The following SLC22A17 variants were observed in gnomAD, a reference collection of about 807,000 sequenced individuals.
SLC22A17 encodes solute carrier family 22 member 17, also known as 24p3 receptor.
A neutral mutation model predicts 53.6 loss-of-function variants in SLC22A17; 38 were observed. That is an observed-to-expected ratio of 0.71 (90% CI 0.55 to 0.93). SLC22A17 has a LOEUF of 0.93. SLC22A17 is among the 40% of genes least tolerant of loss of function. SLC22A17 has a pLI of 0.00. For missense variants in SLC22A17, 704 were observed against 791.0 expected (o/e 0.89, Z 1.32); for synonymous variants, 379 against 353.0 (o/e 1.07, Z -0.82).
At position 23,347,063 on chromosome 14, in the gene SLC22A17, G is replaced by T; in HGVS notation, c.1661+38C>A. On this transcript the variant is annotated intron_variant, in intron 9 of 9. Transcript: ENST00000397267. The surrounding 1 kb of genome is among the most constrained non-coding windows in gnomAD (Gnocchi z 5.1). ...TGGGGTGGGGGAGCGGGAGGCGAGG[G>T]GGCCCGGCTCTGCCCCTGGGGGCAC... The T allele has an allele frequency of 6.3e-7, 1 of 1,576,666 alleles. No individual in the cohort carries two copies.
At chr14:23,346,983 TG>T in intron 9 of SLC22A17, 47 bp from the exon 10 acceptor site, 1 of 1,499,214 alleles carries the variant, frequency 6.7e-7, no homozygotes, top group Non-Finnish European at 8.9e-7. Context: ...GTAGCCTTGC[TG>T]GGCCCTTCTC....
At chr14:23,346,524 G>C in exon 10 of SLC22A17, 1 of 1,255,278 alleles carries the variant, frequency 8.0e-7, no homozygotes, top group Non-Finnish European at 1.1e-6. Flanking sequence ...TGAGCTCTCC[G>C]CGATGGCTGG....
chr14:23,346,702 G>T, exon 10 of SLC22A17: 1 of 1,542,264 alleles, frequency 6.5e-7, no homozygotes, highest in Middle Eastern at 1.9e-4. Flanking sequence ...AGCGGGTAGG[G>T]GGTGGCTGCC....
In SLC22A17 at chr14:23,347,469, G is replaced by T; in HGVS notation, c.1540C>A (p.Pro514Thr). 1 of 1,613,762 alleles carries T rather than the reference G, an allele frequency of 6.2e-7. No homozygotes were observed. The highest frequency in any genetic ancestry group is 8.5e-7 in the Non-Finnish European group (1 of 1,179,854). Residue 514 changes from proline to threonine, a missense_variant, in exon 8 of 10, where the codon CCC becomes ACC. By Grantham distance (38) the Pro-to-Thr change is conservative. Transcript: ENST00000397267. The surrounding 1 kb of genome is among the most constrained non-coding windows in gnomAD (Gnocchi z 5.1). Reference sequence around the variant, plus strand: ...TGCCTGTCTGAAGCACCTCTGTTGGGGTTCCCTTGTTGAGCCCACACTGTG... The same window carrying T: ...TGCCTGTCTGAAGCACCTCTGTTGGTGTTCCCTTGTTGAGCCCACACTGTG...
Position 23,347,628 on chromosome 14 carries a change from G to A in SLC22A17, c.1381C>T (p.Leu461=), listed in dbSNP as rs17090805. 1,460 of 1,613,994 alleles carry A rather than the reference G, an allele frequency of 9.0e-4. 15 individuals are homozygous for A. In the African/African-American group the frequency reaches 0.018, roughly 20 times the overall value. ...GTGACCCCCAGGAAGACACAGGCCAGGGCTGCGGTGCCGCTGGCCAGCAGA... is the reference window on the plus strand; with the variant it reads ...GTGACCCCCAGGAAGACACAGGCCAAGGCTGCGGTGCCGCTGGCCAGCAGA... Residue 461 remains leucine (L), a synonymous_variant, in exon 8 of 10, where the codon CTG becomes TTG. Transcript: ENST00000397267. The surrounding 1 kb of genome is among the most constrained non-coding windows in gnomAD (Gnocchi z 5.1).
At chr14:23,349,094 G>A in intron 4 of SLC22A17, 178 bp downstream of exon 4, 2 of 749,268 alleles carry the variant, frequency 2.7e-6, no homozygotes, top group Non-Finnish European at 4.6e-6. Flanking sequence ...TTGTCGGGAG[G>A]GGGAGATAGG....
chr14:23,346,877 G>A (rs1296357102), exon 10 of SLC22A17: 1 of 1,538,282 alleles, frequency 6.5e-7, no homozygotes, highest in Non-Finnish European at 8.7e-7. Flanking sequence ...GAGGCGCTGG[G>A]CCGGGCCGCT....
Position 23,348,216 on chromosome 14 carries a change from C to T in SLC22A17, c.1116G>A (p.Glu372=). ...GCATCTGCCCATGGGGCCGGTTTCG[C>T]TCAGCCAGGATCCTCAGCACAGACT... Residue 372 remains glutamate (E), a synonymous_variant, in exon 6 of 10, where the codon GAG becomes GAA. Transcript: ENST00000397267. The surrounding 1 kb of genome is among the most constrained non-coding windows in gnomAD (Gnocchi z 4.5). 6.2e-7 allele frequency: 1 copy of T among 1,614,146 alleles called. No individual in the cohort carries two copies. Among genetic ancestry groups the T allele is most frequent in the Non-Finnish European group, 8.5e-7 (1 of 1,180,002 alleles).
chr14:23,348,045 G>C lies in SLC22A17; in HGVS notation c.1172-49C>G. On this transcript the variant is annotated intron_variant, in intron 6 of 9. Transcript: ENST00000397267. This position sits in a 1 kb window ranked among gnomAD's most constrained non-coding sequence, Gnocchi z 4.5. ...TCAGAAGAAAACCCTGAGATCCCAG[G>C]ATCCTCCCACATGGGTGGTGGGGAC... 6.2e-7 allele frequency: 1 copy of C among 1,611,710 alleles called. No homozygotes were observed. The highest frequency in any genetic ancestry group is 8.5e-7 in the Non-Finnish European group (1 of 1,178,232).
At chr14:23,346,932 G>A (rs748739899) in exon 10 of SLC22A17, 14 of 1,531,394 alleles carry the variant, frequency 9.1e-6, no homozygotes, top group African/African-American at 6.8e-5. Flanking sequence ...CCCAGGCCAC[G>A]GCCCCTGGGG....
chr14:23,346,672 A>G, exon 10 of SLC22A17: 4 of 1,511,478 alleles, frequency 2.6e-6, no homozygotes, highest in Middle Eastern at 1.9e-4. Flanking sequence ...TGGGGGTGGC[A>G]AGCAGCGGGA....
Position 23,352,094 on chromosome 14 carries a change from C to T in SLC22A17, c.454G>A (p.Ala152Thr), listed in dbSNP as rs1027278203. The T allele has an allele frequency of 1.9e-6, 3 of 1,586,294 alleles. No homozygotes were observed. The highest frequency in any genetic ancestry group is 3.7e-5 in the Admixed American group (2 of 53,758). The change falls in exon 2 of 10, where the codon GCT becomes ACT. Residue 152 changes from alanine (A) to threonine (T), a missense_variant. Ala to Thr is a moderately conservative substitution (Grantham distance 58). Around this residue, in one of 4 missense-constraint regions of SLC22A17, gnomAD observed 435 missense variants for 529.0 expected, o/e 0.82. Coordinates refer to ENST00000397267, the Ensembl canonical transcript of SLC22A17. This position sits in a 1 kb window ranked among gnomAD's most constrained non-coding sequence, Gnocchi z 7.2. ...CTGGCGGCGCTGGCTGCTAGGGCAG[C>T]GCTGGCGACGCTGACGCCGCTGGCA...
Position 23,347,672 on chromosome 14 carries a change from G to T in SLC22A17, c.1337C>A (p.Ser446Ter). The T allele has an allele frequency of 3.7e-6, 6 of 1,613,996 alleles. No homozygotes were observed. Among genetic ancestry groups the T allele is most frequent in the Non-Finnish European group, 3.4e-6 (4 of 1,180,020 alleles). ...CAGCAGAGAGCACAGGTAGAAGTCC[G>T]ATGGGCTCCCTCCTCCTCCCACAGG... Residue 446 changes from serine (S) to a stop codon, truncating the protein, a stop_gained, in exon 8 of 10, where the codon TCG becomes TAG. Transcript: ENST00000397267. LOFTEE classifies it high-confidence loss of function. The surrounding 1 kb of genome is among the most constrained non-coding windows in gnomAD (Gnocchi z 5.1).
chr14:23,346,751 A>AG lies in SLC22A17; in HGVS notation c.1846dup (p.Leu616ProfsTer22). On this transcript the variant is annotated frameshift_variant, in exon 10 of 10. Coordinates refer to ENST00000397267, the Ensembl canonical transcript of SLC22A17. LOFTEE classifies it high-confidence loss of function. ...CCGGCGACACAGCTCCCCGTCCCGG[A>AG]GCACCTCGGGCAGGAGCTTGCGCTT... 6.5e-7 allele frequency: 1 copy of AG among 1,544,656 alleles called. No individual in the cohort carries two copies.
chr14:23,346,498 G>T, exon 10 of SLC22A17: 1 of 971,212 alleles, frequency 1.0e-6, no homozygotes, highest in South Asian at 1.9e-5. Context: ...GAGGAGGCAG[G>T]GTGGGGACGG....
chr14:23,347,811 A>C lies in SLC22A17; in HGVS notation c.1277+80T>G, dbSNP rs528973286. 15 of 1,611,790 alleles carry C rather than the reference A, an allele frequency of 9.3e-6. No individual in the cohort carries two copies. Among genetic ancestry groups the C allele is most frequent in the Non-Finnish European group, 1.3e-5 (15 of 1,178,662 alleles). ...TTCTACAGTGCTGATGGTCCTCCGCAGGGGTCCCCGGGCCTTCCCACCCAG... is the reference window on the plus strand; with the variant it reads ...TTCTACAGTGCTGATGGTCCTCCGCCGGGGTCCCCGGGCCTTCCCACCCAG... On this transcript the variant is annotated intron_variant, in intron 7 of 9. Coordinates refer to ENST00000397267, the Ensembl canonical transcript of SLC22A17. This position sits in a 1 kb window ranked among gnomAD's most constrained non-coding sequence, Gnocchi z 5.1.
chr14:23,348,781 G>A lies in SLC22A17; in HGVS notation c.860-110C>T. The A allele has an allele frequency of 8.3e-7, 1 of 1,200,994 alleles. No homozygotes were observed. The highest frequency in any genetic ancestry group is 1.1e-6 in the Non-Finnish European group (1 of 878,860). 74.4% of individuals were successfully genotyped at this position (1,200,994 alleles called of 1,614,324 possible). ...AGGACAGAGAGAGAGGTCAGACCCA[G>A]AGTGGAGGCTGCAGCCATTGCCTCC... is the stretch of plus-strand genomic sequence containing the variant. On this transcript the variant is annotated intron_variant, in intron 4 of 9. Coordinates refer to ENST00000397267, the Ensembl canonical transcript of SLC22A17. This position sits in a 1 kb window ranked among gnomAD's most constrained non-coding sequence, Gnocchi z 4.5.
intron 2 of SLC22A17, 33 bp downstream of exon 2, chr14:23,351,915 C>G: frequency 5.6e-6 from 9 of 1,611,792 alleles, no homozygotes; most frequent in Non-Finnish European, 7.6e-6. Flanking sequence ...TCTCTGCCCG[C>G]CCCCAGACCC....
At chr14:23,349,556 G>A (rs1281287706) in intron 3 of SLC22A17, 130 bp from the exon 4 acceptor site, 23 of 1,133,302 alleles carry the variant, frequency 2.0e-5, no homozygotes, top group Non-Finnish European at 2.8e-5. Context: ...GTTGGACAGA[G>A]GCTTGAGAAG....
Sources: gnomAD v4.1 joint callset for allele counts on GRCh38, gnomAD v4.1.1 for gene constraint, gnomAD v4.1.1 regional missense constraint, Gnocchi (gnomAD v3.1) non-coding constraint, MANE v1.5 for transcripts, NCBI Gene and HGNC (gene_info 2026-07-23, HGNC 2026-07-21) for gene names.